Variants in TGFB3 observed in about 807,000 individuals in gnomAD.
TGFB3 encodes transforming growth factor beta 3, also known as transforming growth factor beta-3 proprotein.
A neutral mutation model predicts 40.1 loss-of-function variants in TGFB3; 5 were observed. That is an observed-to-expected ratio of 0.12 (90% CI 0.07 to 0.26). The LOEUF is 0.26. Ranked by LOEUF, TGFB3 falls within the 10% of genes least tolerant of loss-of-function variation. The pLI is 1.00. For missense variants in TGFB3, 373 were observed against 530.1 expected (o/e 0.70, Z 2.91); for synonymous variants, 184 against 205.6 (o/e 0.89, Z 0.90).
At chr14:75,965,057 C>T (rs2035205483) in intron 4 of TGFB3, among the ~76,000 whole-genome samples, 1 of 152,206 alleles carries the variant, frequency 6.6e-6, no homozygotes, top group Non-Finnish European at 1.5e-5. Context: ...TACCCAAACA[C>T]CCCGGGGACA....
Position 75,980,467 on chromosome 14 carries a change from G to T in TGFB3, c.352+75C>A. On this transcript the variant is annotated intron_variant, in intron 1 of 6. Transcript: ENST00000238682. This position sits in a 1 kb window ranked among gnomAD's most constrained non-coding sequence, Gnocchi z 4.3. ...GCACCCTGCTGTGTGGCCAGCACTAGGCCCCCCTCTGCAGAGCTCCCAGCT... is the reference window on the plus strand; with the variant it reads ...GCACCCTGCTGTGTGGCCAGCACTATGCCCCCCTCTGCAGAGCTCCCAGCT... The T allele has an allele frequency of 6.8e-7, 1 of 1,464,820 alleles. No homozygotes were observed. The highest frequency in any genetic ancestry group is 9.6e-7 in the Non-Finnish European group (1 of 1,045,252). The allele number at this position is 1,464,820 out of a possible 1,614,324, so 90.7% of individuals were successfully genotyped here.
At position 75,971,636 on chromosome 14, in the gene TGFB3, G is replaced by A. The variant is rs2035294472; in HGVS notation, c.435C>T (p.Asn145=). The part of the protein sequence containing the change: ...NVSSVEKNRT[N]LFRAEFRVLR... ...AGACCCGGAATTCTGCTCGGAATAG[G>A]TTGGTTCTATTTTTCTCCACTGAGG... Residue 145 remains asparagine, a synonymous_variant, in exon 2 of 7, where the codon AAC becomes AAT. Coordinates refer to ENST00000238682, the MANE Select transcript of TGFB3 (RefSeq NM_003239.5). This position sits in a 1 kb window ranked among gnomAD's most constrained non-coding sequence, Gnocchi z 4.5. The A allele has an allele frequency of 6.2e-7, 1 of 1,614,150 alleles. No homozygotes were observed. Among genetic ancestry groups the A allele is most frequent in the Non-Finnish European group, 8.5e-7 (1 of 1,180,062 alleles).
rs4252341 is a variant in TGFB3, at chr14:75,961,722, A to G, written c.927-646T>C. Among the ~76,000 whole-genome samples, 1,051 of 152,300 alleles carry G rather than the reference A, an allele frequency of 6.9e-3. 17 individuals carry two copies. The highest frequency in any genetic ancestry group is 0.024 in the African/African-American group (1,002 of 41,552). On this transcript the variant is annotated intron_variant, in intron 5 of 6. Transcript: ENST00000238682. ...GAACTTGCTACTTCCAAAGGCAGCTATTAGCCAAAATCTGGCTTCTTGTGG... is the reference window on the plus strand; with the variant it reads ...GAACTTGCTACTTCCAAAGGCAGCTGTTAGCCAAAATCTGGCTTCTTGTGG...
At chr14:75,965,727 C>T (rs773101815) in intron 3 of TGFB3, 32 bp from the exon 4 acceptor site, 5 of 1,574,906 alleles carry the variant, frequency 3.2e-6, no homozygotes, top group Non-Finnish European at 4.4e-6. Context: ...GTGAGAAAAG[C>T]ACCTCTGTGT....
chr14:75,960,916 T>G lies in TGFB3; in HGVS notation c.1080+7A>C. The G allele has an allele frequency of 6.2e-7, 1 of 1,614,082 alleles. No individual in the cohort carries two copies. The highest frequency in any genetic ancestry group is 8.5e-7 in the Non-Finnish European group (1 of 1,179,944). Reference sequence around the variant, plus strand: ...AGTGCCTCAGATGGCATGAGCCTGCTCCATACCGTGCTGTGGGTTGTGTCT... The same window carrying G: ...AGTGCCTCAGATGGCATGAGCCTGCGCCATACCGTGCTGTGGGTTGTGTCT... On this transcript the variant is annotated splice_region_variant and intron_variant, in intron 6 of 6. Coordinates refer to ENST00000238682, the MANE Select transcript of TGFB3 (RefSeq NM_003239.5).
At chr14:75,967,796 C>T (rs1337291806) in intron 3 of TGFB3, among the ~76,000 whole-genome samples, 1 of 152,148 alleles carries the variant, frequency 6.6e-6, no homozygotes, top group East Asian at 1.9e-4. Flanking sequence ...CCCAAGATAT[C>T]CAACCAGTGG....
upstream of TGFB3, chr14:75,982,804 C>G (rs1302656422): frequency 6.6e-6 from 1 of 152,504 alleles, no homozygotes; most frequent in Non-Finnish European, 1.5e-5. This position sits in a 1 kb window ranked among gnomAD's most constrained non-coding sequence, Gnocchi z 4.0. Context: ...TCTCCCTCCC[C>G]GACCGCCGCT....
intron 3 of TGFB3, among the ~76,000 whole-genome samples, chr14:75,969,804 T>G (rs983208951): frequency 6.6e-6 from 1 of 152,190 alleles, no homozygotes; most frequent in African/African-American, 2.4e-5. Flanking sequence ...AATTTAGAAG[T>G]TATCTGGAAT....
upstream of TGFB3, among the ~76,000 whole-genome samples, chr14:75,982,491 C>T (rs1158068380): frequency 2.6e-5 from 4 of 152,232 alleles, no homozygotes; most frequent in African/African-American, 7.2e-5. This position sits in a 1 kb window ranked among gnomAD's most constrained non-coding sequence, Gnocchi z 4.0. Context: ...GTCCGCTCCG[C>T]GGCGATCCTG....
intron 1 of TGFB3, among the ~76,000 whole-genome samples, chr14:75,973,147 A>G (rs1040394824): frequency 6.6e-6 from 1 of 152,260 alleles, no homozygotes; most frequent in Non-Finnish European, 1.5e-5. Flanking sequence ...TGGTAACAAT[A>G]GCCCGAAGTT....
intron 5 of TGFB3, 93 bp downstream of exon 5, chr14:75,963,223 C>T: frequency 7.1e-7 from 1 of 1,410,170 alleles, no homozygotes; most frequent in African/African-American, 1.4e-5. Flanking sequence ...ATCAGGGACC[C>T]TCTGTTGAGT....
At chr14:75,975,117 C>G (rs947246473) in intron 1 of TGFB3, among the ~76,000 whole-genome samples, 1 of 151,980 alleles carries the variant, frequency 6.6e-6, no homozygotes, top group East Asian at 1.9e-4. Flanking sequence ...CCTGTAATCC[C>G]AGCACTTTGG....
intron 3 of TGFB3, among the ~76,000 whole-genome samples, chr14:75,969,678 C>T (rs1198804051): frequency 6.6e-6 from 1 of 152,154 alleles, no homozygotes; most frequent in Non-Finnish European, 1.5e-5. Context: ...GATATGCCTC[C>T]AGGATAGCTC....
Position 75,980,449 on chromosome 14 carries a change from G to C in TGFB3, c.352+93C>G. 6 of 1,305,156 alleles carry C rather than the reference G, an allele frequency of 4.6e-6. No individual in the cohort carries two copies. The South Asian group carries it at 5.9e-5, about 13-fold the overall frequency. 80.8% of individuals were successfully genotyped at this position (1,305,156 alleles called of 1,614,324 possible). A position where few individuals can be genotyped will look rare whatever the true frequency, so the allele number is the denominator to read the frequency against. ...GTGCTGGTGAATCCTGGGGCACCCT[G>C]CTGTGTGGCCAGCACTAGGCCCCCC... On this transcript the variant is annotated intron_variant, in intron 1 of 6. Transcript: ENST00000238682. This position sits in a 1 kb window ranked among gnomAD's most constrained non-coding sequence, Gnocchi z 4.3.
At chr14:75,959,675 G>A (rs2035129148) in intron 6 of TGFB3, among the ~76,000 whole-genome samples, 1 of 151,926 alleles carries the variant, frequency 6.6e-6, no homozygotes, top group African/African-American at 2.4e-5. Context: ...GGAGGCTGAG[G>A]TGGGAGGATC....
At chr14:75,969,986 C>T (rs995442928) in intron 3 of TGFB3, among the ~76,000 whole-genome samples, 5 of 152,194 alleles carry the variant, frequency 3.3e-5, no homozygotes, top group African/African-American at 9.7e-5. Flanking sequence ...CCTGCCTCTT[C>T]CCTTGACCTC....
At position 75,965,650 on chromosome 14, in the gene TGFB3, G is replaced by A; in HGVS notation, c.692C>T (p.Thr231Ile). 6.2e-7 allele frequency: 1 copy of A among 1,614,174 alleles called. No homozygotes were observed. The highest frequency in any genetic ancestry group is 8.5e-7 in the Non-Finnish European group (1 of 1,180,028). ...CAGGATATCTCCATTGGGCTGAAAG[G>A]TGTGACATGGACAGTGAATGCTGAT... ...LEISIHCPCH[T>I]FQPNGDILEN... Residue 231 changes from threonine to isoleucine, a missense_variant, in exon 4 of 7, where the codon ACC (threonine) becomes ATC (isoleucine). Transcript: ENST00000238682.
At chr14:75,969,025 C>CCG in intron 3 of TGFB3, among the ~76,000 whole-genome samples, 1 of 152,182 alleles carries the variant, frequency 6.6e-6, no homozygotes, top group African/African-American at 2.4e-5. Flanking sequence ...CGGTACTCAT[C>CCG]TCTGACGGAT....
chr14:75,977,510 T>G (rs1424169330), intron 1 of TGFB3, among the ~76,000 whole-genome samples: 4 of 152,208 alleles, frequency 2.6e-5, no homozygotes, highest in African/African-American at 9.7e-5. Context: ...AAATCATCTC[T>G]AACTTTACAG....
Sources: gnomAD v4.1 joint callset for allele counts (sites outside exome capture counted in the v4.1 genomes callset) on GRCh38, gnomAD v4.1.1 for gene constraint, Gnocchi (gnomAD v3.1) non-coding constraint, MANE v1.5 for transcripts, NCBI Gene and HGNC (gene_info 2026-07-23, HGNC 2026-07-21) for gene names.